Variants in NFIA observed in about 807,000 individuals in gnomAD.
NFIA encodes the protein nuclear factor 1 A-type.
Under a neutral mutation model 62.8 loss-of-function variants are expected in NFIA, and 8 were observed. The observed-to-expected ratio is 0.13, with a 90% CI of 0.07 to 0.23. The LOEUF (loss-of-function observed/expected upper bound fraction) is 0.23, where lower values mean the gene tolerates loss of function less well. NFIA is among the 10% of genes least tolerant of loss of function. NFIA has a pLI of 1.00. For synonymous variants in NFIA, 235 were observed against 238.1 expected (o/e 0.99, Z 0.12); for missense variants, 410 against 642.1 (o/e 0.64, Z 3.91).
intron 2 of NFIA, among the ~76,000 whole-genome samples, chr1:61,097,581 G>T (rs1338689665): frequency 6.6e-6 from 1 of 152,100 alleles, no homozygotes; most frequent in Non-Finnish European, 1.5e-5. Flanking sequence ...ATTTTTAGTA[G>T]GGAAAGGTAT....
rs528959401 is a variant in NFIA at position 61,134,903 on chromosome 1, C to G, written c.559+46223C>G. On this transcript the variant is annotated intron_variant, in intron 2 of 10. Coordinates refer to ENST00000403491, the MANE Select transcript of NFIA (RefSeq NM_001134673.4). ...TATGTGTTGTAATAATAATATGTCC[C>G]AGAGTTGCACATCTGGAAGAGAAGA... Among the ~76,000 whole-genome samples the G allele has an allele frequency of 3.3e-5, 5 of 152,258 alleles. No individual in the cohort carries two copies. In the East Asian group the frequency reaches 9.7e-4, roughly 29 times the overall value.
intron 2 of NFIA, among the ~76,000 whole-genome samples, chr1:61,227,142 C>T (rs1654383859): frequency 6.6e-6 from 1 of 152,174 alleles, no homozygotes; most frequent in South Asian, 2.1e-4. Context: ...CATAGACAGA[C>T]ACTTTGACTG....
chr1:61,185,126 C>T (rs149513022), intron 2 of NFIA, among the ~76,000 whole-genome samples: 1 of 152,274 alleles, frequency 6.6e-6, no homozygotes, highest in East Asian at 1.9e-4. Context: ...TTTAAACTTA[C>T]ATGCTTTATC....
intron 2 of NFIA, among the ~76,000 whole-genome samples, chr1:61,235,968 A>G (rs963742336): frequency 6.6e-6 from 1 of 152,292 alleles, no homozygotes; most frequent in Non-Finnish European, 1.5e-5. Flanking sequence ...GACAATGTGG[A>G]TGACAGATCA....
chr1:61,432,011 A>G (rs1052652729), intron 10 of NFIA, among the ~76,000 whole-genome samples: 2 of 152,184 alleles, frequency 1.3e-5, no homozygotes, highest in African/African-American at 4.8e-5. Context: ...GAGGAAACAA[A>G]TGTGAAGAAA....
chr1:61,160,111 T>C (rs1326232292), intron 2 of NFIA, among the ~76,000 whole-genome samples: 1 of 152,232 alleles, frequency 6.6e-6, no homozygotes. Flanking sequence ...GGCCTGGAAC[T>C]GTGAGGCAGG....
chr1:61,341,918 T>G (rs193022518), intron 4 of NFIA, among the ~76,000 whole-genome samples: 3 of 152,304 alleles, frequency 2.0e-5, no homozygotes, highest in Admixed American at 2.0e-4. Flanking sequence ...AATCCTATAT[T>G]ACCCTGCAGT....
intron 2 of NFIA, among the ~76,000 whole-genome samples, chr1:61,106,226 A>G (rs1237922685): frequency 6.6e-6 from 1 of 151,790 alleles, no homozygotes; most frequent in Non-Finnish European, 1.5e-5. Context: ...ACAGCTATTT[A>G]CAGCAACCTG....
intron 2 of NFIA, among the ~76,000 whole-genome samples, chr1:61,186,541 C>T (rs1283728708): frequency 6.6e-6 from 1 of 152,074 alleles, no homozygotes; most frequent in African/African-American, 2.4e-5. Context: ...AGTTACCTAC[C>T]ATACATTGTG....
At chr1:61,116,334 G>T (rs1646793217) in intron 2 of NFIA, among the ~76,000 whole-genome samples, 1 of 152,316 alleles carries the variant, frequency 6.6e-6, no homozygotes, top group South Asian at 2.1e-4. Context: ...AATTGCAAGT[G>T]TAAGGATTTT....
At chr1:61,362,058 TG>T (rs1265346264) in intron 6 of NFIA, among the ~76,000 whole-genome samples, 4 of 152,106 alleles carry the variant, frequency 2.6e-5, no homozygotes, top group Admixed American at 1.3e-4. Flanking sequence ...ATGTTGCACA[TG>T]TTCTTGGTGA....
intron 2 of NFIA, among the ~76,000 whole-genome samples, chr1:61,213,209 G>C (rs1570391598): frequency 6.6e-6 from 1 of 152,170 alleles, no homozygotes; most frequent in East Asian, 1.9e-4. Flanking sequence ...TTCCTCCAGT[G>C]GTTTCATATA....
At chr1:61,154,355 T>G (rs1205274736) in intron 2 of NFIA, among the ~76,000 whole-genome samples, 1 of 152,098 alleles carries the variant, frequency 6.6e-6, no homozygotes, top group Non-Finnish European at 1.5e-5. Context: ...AGGGTTTTGT[T>G]GTGTTGGGCA....
chr1:61,403,956 T>C (rs1665691773), intron 7 of NFIA, 148 bp from the exon 8 acceptor site: 1 of 855,138 alleles, frequency 1.2e-6, no homozygotes, highest in South Asian at 1.9e-5. Context: ...GAAGAAAATC[T>C]GTCAGACCTA....
intron 2 of NFIA, among the ~76,000 whole-genome samples, chr1:61,115,346 G>C (rs1381113048): frequency 2.6e-5 from 4 of 152,198 alleles, no homozygotes; most frequent in Non-Finnish European, 5.9e-5. Context: ...AAGAAATATA[G>C]AGAAAAACAG....
chr1:61,258,933 C>T (rs1656590150), intron 2 of NFIA, among the ~76,000 whole-genome samples: 1 of 151,920 alleles, frequency 6.6e-6, no homozygotes, highest in Non-Finnish European at 1.5e-5. Flanking sequence ...ATTGCCCAGG[C>T]TGGTCTCGAA....
intron 2 of NFIA, among the ~76,000 whole-genome samples, chr1:61,204,216 G>A (rs534738843): frequency 2.2e-4 from 34 of 152,216 alleles, no homozygotes; most frequent in African/African-American, 8.2e-4. Context: ...ATTAGTCTGT[G>A]GTCTTAAGAT....
intron 4 of NFIA, among the ~76,000 whole-genome samples, chr1:61,347,506 A>G (rs998386097): frequency 3.3e-5 from 5 of 152,206 alleles, no homozygotes; most frequent in South Asian, 2.1e-4. Flanking sequence ...TTATGCACAT[A>G]CTTTGTCTAT....
At position 61,430,791 on chromosome 1, in the gene NFIA, C is replaced by A. The variant is rs75656387; in HGVS notation, c.1512+4235C>A. ...GCCCTGGCTTTCGGCTTTGTTCGAA[C>A]ATTCCTGCCGAGTTATCTGTCCCAT... On this transcript the variant is annotated intron_variant, in intron 10 of 10. Coordinates refer to ENST00000403491, the MANE Select transcript of NFIA (RefSeq NM_001134673.4). Among the ~76,000 whole-genome samples the A allele has an allele frequency of 8.3e-4, 127 of 152,246 alleles. 2 individuals are homozygous for A. In the East Asian group the frequency reaches 0.017, roughly 21 times the overall value.
Sources: gnomAD v4.1 joint callset for allele counts (sites outside exome capture counted in the v4.1 genomes callset) on GRCh38, gnomAD v4.1.1 for gene constraint, MANE v1.5 for transcripts, NCBI Gene and HGNC (gene_info 2026-07-23, HGNC 2026-07-21) for gene names.